Variants in PARP4 observed in about 807,000 individuals in gnomAD.
PARP4 encodes poly(ADP-ribose) polymerase family member 4, also known as protein mono-ADP-ribosyltransferase PARP4.
Under a neutral mutation model 187.7 loss-of-function variants are expected in PARP4, and 120 were observed. The ratio of observed to expected loss-of-function variants is 0.64; its 90% CI spans 0.55 to 0.74. The LOEUF (loss-of-function observed/expected upper bound fraction) is 0.74, where lower values mean the gene tolerates loss of function less well. Ranked by LOEUF, PARP4 falls within the 30% of genes least tolerant of loss-of-function variation. PARP4 has a pLI of 0.00. For synonymous variants in PARP4, 654 were observed against 740.9 expected (o/e 0.88, Z 1.90); for missense variants, 1,836 against 2,070.5 (o/e 0.89, Z 2.20).
intron 31 of PARP4, among the ~76,000 whole-genome samples, chr13:24,432,229 T>C (rs551359071): frequency 1.3e-5 from 2 of 152,344 alleles, no homozygotes; most frequent in South Asian, 4.1e-4. Context: ...TCAAATATTT[T>C]CTTCTAGCTA....
Position 24,452,584 on chromosome 13 carries a change from G to C in PARP4, c.2836C>G (p.Pro946Ala), listed in dbSNP as rs1451224965. 6.2e-7 allele frequency: 1 copy of C among 1,611,940 alleles called. No homozygotes were observed. Among genetic ancestry groups the C allele is most frequent in the Non-Finnish European group, 8.5e-7 (1 of 1,178,902 alleles). The change falls in exon 24 of 34, where the codon CCT becomes GCT. Residue 946 changes from proline to alanine, a missense_variant. By Grantham distance (27) the Pro-to-Ala change is conservative. This residue lies in a region of PARP4 where 1,147 missense variants were observed against 1,214.2 expected (regional missense o/e 0.94). Coordinates refer to ENST00000381989, the MANE Select transcript of PARP4 (RefSeq NM_006437.4). ...CAGAAGTCTGTGTTCCCCATGGTAG[G>C]TGTGGCAGACTGGAGGAAATGAAGT... ...MAAEFIMSAT[P>A]TMGNTDFWKT...
intron 12 of PARP4, among the ~76,000 whole-genome samples, chr13:24,479,966 C>T (rs1181689309): frequency 2.6e-5 from 4 of 151,992 alleles, no homozygotes; most frequent in South Asian, 2.1e-4. Flanking sequence ...CCAGATGCGC[C>T]GCCTTAAGAG....
At chr13:24,505,373 T>C (rs945292402) in intron 1 of PARP4, among the ~76,000 whole-genome samples, 1 of 148,930 alleles carries the variant, frequency 6.7e-6, no homozygotes, top group Non-Finnish European at 1.5e-5. Flanking sequence ...GATGTTCCCA[T>C]GATTTGTATT....
intron 25 of PARP4, among the ~76,000 whole-genome samples, chr13:24,449,368 A>G (rs1288961500): frequency 7.5e-6 from 1 of 134,076 alleles, no homozygotes; most frequent in African/African-American, 2.9e-5. Flanking sequence ...AGCCTGGGCG[A>G]CAGAGCAAGA....
At chr13:24,511,053 G>C (rs1038132884) in intron 1 of PARP4, among the ~76,000 whole-genome samples, 5 of 152,200 alleles carry the variant, frequency 3.3e-5, no homozygotes, top group Non-Finnish European at 7.3e-5. Flanking sequence ...CTCCCAGAGT[G>C]CTGGGGTTAC....
At chr13:24,474,835 G>A (rs1872902780) in intron 15 of PARP4, among the ~76,000 whole-genome samples, 1 of 151,922 alleles carries the variant, frequency 6.6e-6, no homozygotes, top group Non-Finnish European at 1.5e-5. Flanking sequence ...TTCACTCAGA[G>A]TCAAGGACAG....
chr13:24,445,716 G>A (rs1321890153), intron 27 of PARP4, among the ~76,000 whole-genome samples: 1 of 152,190 alleles, frequency 6.6e-6, no homozygotes, highest in Non-Finnish European at 1.5e-5. Context: ...AGTTCTGTGA[G>A]CTGTTACAGC....
chr13:24,450,769 A>T (rs1440885308), intron 24 of PARP4, among the ~76,000 whole-genome samples: 1 of 152,192 alleles, frequency 6.6e-6, no homozygotes, highest in Non-Finnish European at 1.5e-5. Flanking sequence ...AGCAGAATGG[A>T]TACCACCCCC....
intron 33 of PARP4, 76 bp from the exon 34 acceptor site, chr13:24,421,390 A>G (rs1430583403): frequency 2.2e-4 from 131 of 582,622 alleles, no homozygotes; most frequent in Non-Finnish European, 3.4e-4. Context: ...CCATCACATT[A>G]TATCAGACAA....
At chr13:24,449,571 C>T (rs1871398285) in intron 25 of PARP4, 147 bp downstream of exon 25, 1 of 549,860 alleles carries the variant, frequency 1.8e-6, no homozygotes, top group African/African-American at 1.9e-5. Flanking sequence ...TGGTGCAGTC[C>T]TGAGGCAGGG....
intron 25 of PARP4, among the ~76,000 whole-genome samples, chr13:24,448,077 G>C (rs1871301860): frequency 6.6e-6 from 1 of 152,100 alleles, no homozygotes. Flanking sequence ...TGGGTGTGGT[G>C]GTGTGGGCCT....
chr13:24,450,988 G>C (rs984326537), intron 24 of PARP4, among the ~76,000 whole-genome samples: 4 of 152,158 alleles, frequency 2.6e-5, no homozygotes, highest in African/African-American at 9.7e-5. Flanking sequence ...CGATCCTCCT[G>C]CTTTGGCCTC....
intron 15 of PARP4, among the ~76,000 whole-genome samples, chr13:24,470,754 A>T (rs190893618): frequency 0.015 from 2,219 of 151,926 alleles, 52 homozygotes; most frequent in African/African-American, 0.049. Flanking sequence ...TGAAAAATTA[A>T]AAAAAAAAAT....
intron 1 of PARP4, among the ~76,000 whole-genome samples, chr13:24,509,240 C>G (rs1322102725): frequency 1.3e-5 from 2 of 152,206 alleles, no homozygotes; most frequent in Admixed American, 1.3e-4. Context: ...GGCAATGTGG[C>G]TCATGCCTGT....
At position 24,434,411 on chromosome 13, in the gene PARP4, A is replaced by T. The variant is rs775777282; in HGVS notation, c.4730T>A (p.Leu1577His). 3 of 1,564,668 alleles carry T rather than the reference A, an allele frequency of 1.9e-6. No individual in the cohort carries two copies. The highest frequency in any genetic ancestry group is 2.6e-6 in the Non-Finnish European group (3 of 1,153,184). Residue 1577 changes from leucine to histidine, a missense_variant, in exon 31 of 34, where the codon CTC becomes CAC. By Grantham distance (99) the Leu-to-His change is moderately conservative. Transcript: ENST00000381989. ...GACACATACCTCTGTCTGTAGACTGAGGAGTTCTGTCCAAGGCACAGCATC... is the reference window on the plus strand; with the variant it reads ...GACACATACCTCTGTCTGTAGACTGTGGAGTTCTGTCCAAGGCACAGCATC... ...WQDAVPWTELLSLQTEDGFWK... is the reference protein window; with the variant it reads ...WQDAVPWTELHSLQTEDGFWK...
intron 11 of PARP4, among the ~76,000 whole-genome samples, chr13:24,485,785 C>T (rs1593638874): frequency 6.6e-6 from 1 of 152,324 alleles, no homozygotes; most frequent in Non-Finnish European, 1.5e-5. Context: ...AATCACTTTT[C>T]TTCATACGAT....
At chr13:24,506,198 T>A (rs1341515925) in intron 1 of PARP4, among the ~76,000 whole-genome samples, 1 of 151,550 alleles carries the variant, frequency 6.6e-6, no homozygotes, top group African/African-American at 2.4e-5. Flanking sequence ...ACCCTCGCAG[T>A]GAGCGTTACA....
chr13:24,486,881 CG>C (rs973839373), intron 10 of PARP4, among the ~76,000 whole-genome samples: 2 of 145,410 alleles, frequency 1.4e-5, no homozygotes, highest in South Asian at 2.2e-4. Flanking sequence ...GAACCCGGGG[CG>C]GGGGGTGGTG....
chr13:24,433,718 G>C (rs1179491214), intron 31 of PARP4, among the ~76,000 whole-genome samples: 6 of 150,118 alleles, frequency 4.0e-5, no homozygotes, highest in African/African-American at 1.5e-4. Flanking sequence ...TATGGATGAG[G>C]AAGCTGAGGC....
Sources: allele counts gnomAD v4.1 joint callset (sites outside exome capture counted in the v4.1 genomes callset), GRCh38; gene constraint gnomAD v4.1.1; regional missense constraint gnomAD v4.1.1; transcripts MANE v1.5; gene names NCBI Gene and HGNC (gene_info 2026-07-23, HGNC 2026-07-21).